The following TRPM3 variants were observed in gnomAD, a reference collection of about 807,000 sequenced individuals.
The protein encoded by TRPM3 is transient receptor potential cation channel subfamily M member 3.
A neutral mutation model predicts 181.2 loss-of-function variants in TRPM3; 77 were observed. That is an observed-to-expected ratio of 0.42 (90% CI 0.35 to 0.51). The LOEUF (loss-of-function observed/expected upper bound fraction) is 0.51. Among genes scored for constraint, TRPM3 ranks in the 20% least tolerant of loss-of-function variants. The pLI, the probability that TRPM3 is intolerant of heterozygous loss-of-function variation, is 0.01. For synonymous variants in TRPM3, 745 were observed against 796.4 expected, an observed-to-expected ratio of 0.94 and a Z score of 1.09; for missense variants, 1,759 against 2,196.7, an observed-to-expected ratio of 0.80 and a Z score of 3.98.
intron 1 of TRPM3, among the ~76,000 whole-genome samples, chr9:71,090,549 C>G (rs1229242586): frequency 1.3e-5 from 2 of 152,160 alleles, no homozygotes; most frequent in Non-Finnish European, 2.9e-5. Context: ...GAGACGCTTC[C>G]CAGACTGTTG....
At chr9:71,299,130 C>T (rs1312505150) in intron 1 of TRPM3, among the ~76,000 whole-genome samples, 1 of 152,154 alleles carries the variant, frequency 6.6e-6, no homozygotes, top group Non-Finnish European at 1.5e-5. Context: ...TTGCAGAGTA[C>T]AGTCTAAGAT....
At chr9:70,592,234 G>A (rs1434763098) in intron 21 of TRPM3, among the ~76,000 whole-genome samples, 2 of 152,144 alleles carry the variant, frequency 1.3e-5, no homozygotes, top group South Asian at 2.1e-4. Context: ...TCCAGGCTAC[G>A]TTAAATATGA....
intron 1 of TRPM3, among the ~76,000 whole-genome samples, chr9:71,399,047 C>T (rs1286556579): frequency 6.6e-6 from 1 of 151,978 alleles, no homozygotes; most frequent in South Asian, 2.1e-4. Context: ...CCCAATAGTG[C>T]TAAGTCAATA....
At chr9:70,903,328 T>C (rs1248170245) in intron 1 of TRPM3, among the ~76,000 whole-genome samples, 1 of 152,180 alleles carries the variant, frequency 6.6e-6, no homozygotes, top group African/African-American at 2.4e-5. Flanking sequence ...GGGACATTAA[T>C]ACACAGAGAA....
chr9:70,948,080 A>C (rs906315962), intron 1 of TRPM3, among the ~76,000 whole-genome samples: 12 of 149,190 alleles, frequency 8.0e-5, no homozygotes, highest in African/African-American at 3.1e-4. Context: ...CATCCAAAAT[A>C]CAGCTCCTAT....
intron 6 of TRPM3, among the ~76,000 whole-genome samples, chr9:70,792,340 C>G (rs964631853): frequency 2.0e-5 from 3 of 151,492 alleles, no homozygotes; most frequent in Non-Finnish European, 2.9e-5. Flanking sequence ...GGAAGGTAAG[C>G]CAATGAACAA....
At chr9:71,299,729 CT>C (rs1346603959) in intron 1 of TRPM3, among the ~76,000 whole-genome samples, 2 of 152,054 alleles carry the variant, frequency 1.3e-5, no homozygotes, top group Non-Finnish European at 2.9e-5. Context: ...AACTTTGTAT[CT>C]TATTTTCTGT....
chr9:71,432,567 A>G (rs892084381), intron 1 of TRPM3, among the ~76,000 whole-genome samples: 1 of 152,002 alleles, frequency 6.6e-6, no homozygotes, highest in Non-Finnish European at 1.5e-5. Flanking sequence ...TTGAATCATT[A>G]TTGTTTATCT....
chr9:71,225,785 T>C (rs999809136), intron 1 of TRPM3, among the ~76,000 whole-genome samples: 12 of 152,000 alleles, frequency 7.9e-5, no homozygotes, highest in African/African-American at 2.7e-4. Flanking sequence ...GCCTCCCTAG[T>C]AGCTGGGATT....
intron 5 of TRPM3, among the ~76,000 whole-genome samples, chr9:70,831,981 A>ATATATATATATT (rs2093949078): frequency 3.4e-5 from 4 of 119,390 alleles, no homozygotes; most frequent in African/African-American, 9.7e-5. Context: ...ATATATATAT[A>ATATATATATATT]TATATATATA....
At chr9:70,671,163 G>C (rs1197157222) in intron 9 of TRPM3, among the ~76,000 whole-genome samples, 1 of 152,118 alleles carries the variant, frequency 6.6e-6, no homozygotes, top group Non-Finnish European at 1.5e-5. Flanking sequence ...TGCTTTGCTT[G>C]CATTATCAAT....
At chr9:71,304,878 TC>T (rs1380917349) in intron 1 of TRPM3, among the ~76,000 whole-genome samples, 2 of 152,194 alleles carry the variant, frequency 1.3e-5, no homozygotes, top group Non-Finnish European at 2.9e-5. Context: ...TTGATCATGG[TC>T]TTCTCTCCTT....
chr9:71,056,704 A>G (rs1484077763), intron 1 of TRPM3, among the ~76,000 whole-genome samples: 5 of 152,090 alleles, frequency 3.3e-5, no homozygotes, highest in South Asian at 2.1e-4. Flanking sequence ...TATAAGACAT[A>G]GAGAGAAGAT....
chr9:70,692,073 T>C (rs905537073), intron 8 of TRPM3, among the ~76,000 whole-genome samples: 4 of 152,218 alleles, frequency 2.6e-5, no homozygotes, highest in Non-Finnish European at 4.4e-5. Flanking sequence ...GGCTTTCTTT[T>C]TTCCCCCCTG....
At chr9:70,837,020 G>A (rs958596684) in intron 5 of TRPM3, among the ~76,000 whole-genome samples, 1 of 152,172 alleles carries the variant, frequency 6.6e-6, no homozygotes, top group African/African-American at 2.4e-5. Context: ...GTGTGGTCCA[G>A]GCTCAGCAAG....
At chr9:71,265,783 C>T (rs2083352706) in intron 1 of TRPM3, among the ~76,000 whole-genome samples, 1 of 152,186 alleles carries the variant, frequency 6.6e-6, no homozygotes, top group Admixed American at 6.5e-5. Flanking sequence ...AATATCCAGC[C>T]ATTAGCTGAG....
chr9:70,571,055 T>G (rs2052187827), intron 22 of TRPM3, among the ~76,000 whole-genome samples: 1 of 152,204 alleles, frequency 6.6e-6, no homozygotes, highest in Non-Finnish European at 1.5e-5. Flanking sequence ...TCTTACCAAA[T>G]GGAAGCCCGT....
intron 1 of TRPM3, among the ~76,000 whole-genome samples, chr9:71,267,997 A>G (rs2083505031): frequency 6.6e-6 from 1 of 152,226 alleles, no homozygotes; most frequent in Admixed American, 6.5e-5. Context: ...CAAAGCTGTT[A>G]CAAGATTCTG....
chr9:70,869,455 A>C (rs2095740322), intron 1 of TRPM3, among the ~76,000 whole-genome samples: 1 of 151,826 alleles, frequency 6.6e-6, no homozygotes, highest in Admixed American at 6.6e-5. Flanking sequence ...CTAAAGAAAC[A>C]GTGTATGAAT....
Sources: allele counts gnomAD v4.1 joint callset (sites outside exome capture counted in the v4.1 genomes callset), GRCh38; gene constraint gnomAD v4.1.1; transcripts MANE v1.5; gene names NCBI Gene and HGNC (gene_info 2026-07-23, HGNC 2026-07-21).